The following ALDOA variants were observed in gnomAD, a reference collection of about 807,000 sequenced individuals.
ALDOA encodes the protein fructose-bisphosphate aldolase A.
ALDOA carries 26 observed loss-of-function variants against 43.9 expected under a neutral mutation model. The observed-to-expected ratio is 0.59, with a 90% CI of 0.43 to 0.82. The LOEUF (loss-of-function observed/expected upper bound fraction) is 0.82. Among genes scored for constraint, ALDOA ranks in the 40% least tolerant of loss-of-function variants. ALDOA has a pLI of 0.00. For missense variants in ALDOA, 498 were observed against 549.5 expected, an observed-to-expected ratio of 0.91 and a Z score of 0.94; for synonymous variants, 258 against 222.6, an observed-to-expected ratio of 1.16 and a Z score of -1.42.
chr16:30,067,151 C>T (rs576122083), intron 2 of ALDOA, 83 bp from the exon 3 acceptor site: 4 of 1,596,002 alleles, frequency 2.5e-6, no homozygotes, highest in South Asian at 1.1e-5. Context: ...ATTTCCCTGA[C>T]CTCCAGGAGA....
rs1410485425 is a variant in ALDOA at position 30,070,389 on chromosome 16, C to T, written c.*177C>T. The T allele has an allele frequency of 4.7e-6, 3 of 640,160 alleles. No homozygotes were observed. Among genetic ancestry groups the T allele is most frequent in the Non-Finnish European group, 8.4e-6 (3 of 357,838 alleles). 39.7% of individuals were successfully genotyped at this position (640,160 alleles called of 1,614,324 possible). A position where few individuals can be genotyped will look rare whatever the true frequency, so the allele number is the denominator to read the frequency against. On this transcript the variant is annotated 3_prime_UTR_variant, in exon 10 of 10. Transcript: ENST00000642816. Reference sequence around the variant, plus strand: ...GTCCATCACCCTTTCCGGCACACTGCCAAATAAACAGCTATTTAAGGGGGA... The same window carrying T: ...GTCCATCACCCTTTCCGGCACACTGTCAAATAAACAGCTATTTAAGGGGGA...
At chr16:30,066,580 T>C (rs978213935) in intron 1 of ALDOA, among the ~76,000 whole-genome samples, 18 of 152,202 alleles carry the variant, frequency 1.2e-4, no homozygotes, top group Admixed American at 7.2e-4. Flanking sequence ...CTTGCTCTCT[T>C]ATATTTTTCC....
intron 4 of ALDOA, chr16:30,068,062 ATTTTTTTTT>A (rs71143773): frequency 5.7e-6 from 1 of 176,508 alleles, no homozygotes; most frequent in African/African-American, 2.8e-5. Context: ...TTTTAAGTAA[ATTTTTTTTT>A]TTTTTTTTTT....
At position 30,069,355 on chromosome 16, in the gene ALDOA, A is replaced by C; in HGVS notation, c.752A>C (p.His251Pro). 1 of 1,614,168 alleles carries C rather than the reference A, an allele frequency of 6.2e-7. No individual in the cohort carries two copies. The highest frequency in any genetic ancestry group is 2.2e-5 in the East Asian group (1 of 44,878). Residue 251 changes from histidine to proline, a missense_variant, in exon 7 of 10, where the codon CAT becomes CCT. By Grantham distance (77) the His-to-Pro change is moderately conservative. Transcript: ENST00000642816. ...CCTGAGATCCTCCCTGATGGGGACC[A>C]TGACTTGAAGCGCTGCCAGTATGTG... Reference protein sequence around the residue: ...VEPEILPDGDHDLKRCQYVTE... With the variant: ...VEPEILPDGDPDLKRCQYVTE...
At chr16:30,064,528 C>G, upstream of ALDOA, 1 of 398,696 alleles carries the variant, frequency 2.5e-6, no homozygotes, top group Non-Finnish European at 4.4e-6. Context: ...GGGCTCCCTC[C>G]CCATCAATAG....
chr16:30,067,763 C>T (rs917867290), intron 4 of ALDOA, 102 bp downstream of exon 4: 19 of 1,374,536 alleles, frequency 1.4e-5, no homozygotes, highest in Non-Finnish European at 2.0e-5. Flanking sequence ...GGCCTAGAGA[C>T]TTGCATGGAG....
intron 1 of ALDOA, chr16:30,066,326 C>G (rs1002066292): frequency 6.6e-5 from 10 of 152,496 alleles, no homozygotes; most frequent in African/African-American, 2.4e-4. Flanking sequence ...GCGCCCTTCG[C>G]GAGGAGGGAA....
In ALDOA at chr16:30,069,915, C is replaced by T. The variant is rs889500566; in HGVS notation, c.1047C>T (p.Pro349=). Residue 349 remains proline, a synonymous_variant, in exon 9 of 10, where the codon CCC becomes CCT. Coordinates refer to ENST00000642816, the MANE Select transcript of ALDOA (RefSeq NM_001243177.4). ...NAINKCPLLK[P]WALTFSYGRA... Reference sequence around the variant, plus strand: ...TTAACAAGTGCCCCCTGCTGAAGCCCTGGGCCCTGACCTTCTCCTACGGCC... The same window carrying T: ...TTAACAAGTGCCCCCTGCTGAAGCCTTGGGCCCTGACCTTCTCCTACGGCC... 3 of 1,614,034 alleles carry T rather than the reference C, an allele frequency of 1.9e-6. No homozygotes were observed. The highest frequency in any genetic ancestry group is 1.3e-5 in the African/African-American group (1 of 74,938).
intron 4 of ALDOA, chr16:30,067,994 G>A (rs2072181094): frequency 2.9e-6 from 1 of 342,966 alleles, no homozygotes; most frequent in Non-Finnish European, 5.4e-6. Context: ...TTGTTACTAA[G>A]TGAACTAAGT....
chr16:30,065,903 C>CACACCCGCCCCTCTCCTGT lies in ALDOA; in HGVS notation c.-37_-19dup, dbSNP rs2072083186. 1 of 153,438 alleles carries CACACCCGCCCCTCTCCTGT rather than the reference C, an allele frequency of 6.5e-6. No individual in the cohort carries two copies. Among genetic ancestry groups the CACACCCGCCCCTCTCCTGT allele is most frequent in the Non-Finnish European group, 1.5e-5 (1 of 68,658 alleles). The allele number at this position is 153,438 out of a possible 1,614,324, so 9.5% of individuals were successfully genotyped here. A position where few individuals can be genotyped will look rare whatever the true frequency, so the allele number is the denominator to read the frequency against. On this transcript the variant is annotated 5_prime_UTR_variant, in exon 1 of 10. Coordinates refer to ENST00000642816, the MANE Select transcript of ALDOA (RefSeq NM_001243177.4). ...CGCCGCCCTCTGCCGCCGCACCCTG[C>CACACCCGCCCCTCTCCTGT]ACACCCGCCCCTCTCCTGTGCCAGG... is the stretch of plus-strand genomic sequence containing the variant.
intron 5 of ALDOA, 36 bp from the exon 6 acceptor site, chr16:30,068,782 T>TC: frequency 6.2e-7 from 1 of 1,614,142 alleles, no homozygotes; most frequent in Non-Finnish European, 8.5e-7. Flanking sequence ...CACATGCCCC[T>TC]CCCCACCGTG....
In ALDOA at chr16:30,069,959, C is replaced by T. The variant is rs746955557; in HGVS notation, c.1091C>T (p.Ala364Val). The T allele has an allele frequency of 5.0e-6, 8 of 1,613,906 alleles. No homozygotes were observed. Among genetic ancestry groups the T allele is most frequent in the Non-Finnish European group, 6.8e-6 (8 of 1,180,024 alleles). Residue 364 changes from alanine (A) to valine (V), a missense_variant, in exon 9 of 10, where the codon GCC (alanine) becomes GTC (valine). Transcript: ENST00000642816. ...FSYGRALQASALKAWGGKKEN... is the reference protein window; with the variant it reads ...FSYGRALQASVLKAWGGKKEN... ...TACGGCCGAGCCCTGCAGGCCTCTGCCCTGAAGGCCTGGGGCGGGAAGAAG... is the reference window on the plus strand; with the variant it reads ...TACGGCCGAGCCCTGCAGGCCTCTGTCCTGAAGGCCTGGGGCGGGAAGAAG...
rs532473202 is a variant in ALDOA, at chr16:30,069,870, G to A, written c.1002G>A (p.Ala334=). ...CTGGAGGCCAGAGTGAGGAGGAGGC[G>A]TCCATCAACCTCAATGCCATTAACA... ...FLSGGQSEEE[A]SINLNAINKC... Residue 334 remains alanine (A), a synonymous_variant, in exon 9 of 10, where the codon GCG becomes GCA. Transcript: ENST00000642816. The A allele has an allele frequency of 5.1e-5, 83 of 1,614,116 alleles. No individual in the cohort carries two copies. The East Asian group carries it at 6.9e-4, about 13-fold the overall frequency.
chr16:30,069,800 AGCCCCTCTC>A (rs1164310545), intron 8 of ALDOA, 21 bp from the exon 9 acceptor site: 1 of 1,613,798 alleles, frequency 6.2e-7, no homozygotes, highest in Non-Finnish European at 8.5e-7. Flanking sequence ...CTCTGACCAC[AGCCCCTCTC>A]GCCTCACCCC....
At chr16:30,067,755 C>A in intron 4 of ALDOA, 94 bp downstream of exon 4, 1 of 1,457,694 alleles carries the variant, frequency 6.9e-7, no homozygotes, top group Non-Finnish European at 9.6e-7. Flanking sequence ...GGATTGGTGG[C>A]CTAGAGACTT....
At chr16:30,066,786 C>G (rs1037493557) in intron 1 of ALDOA, 99 bp from the exon 2 acceptor site, 17 of 1,366,448 alleles carry the variant, frequency 1.2e-5, no homozygotes, top group Non-Finnish European at 1.7e-5. Flanking sequence ...AAGCACAGAC[C>G]TTTCCCATAT....
Position 30,070,322 on chromosome 16 carries a change from TC to T in ALDOA, c.*113del. 1 of 1,010,124 alleles carries T rather than the reference TC, an allele frequency of 9.9e-7. No homozygotes were observed. The highest frequency in any genetic ancestry group is 1.5e-6 in the Non-Finnish European group (1 of 647,092). 62.6% of individuals were successfully genotyped at this position (1,010,124 alleles called of 1,614,324 possible). A position where few individuals can be genotyped will look rare whatever the true frequency, so the allele number is the denominator to read the frequency against. On this transcript the variant is annotated 3_prime_UTR_variant, in exon 10 of 10. Coordinates refer to ENST00000642816, the MANE Select transcript of ALDOA (RefSeq NM_001243177.4). Reference sequence around the variant, plus strand: ...AGGCTGGCTTGCCCGCGCTCTTTCTTCCCTCGTGACAGTGGTGTGTGGTGTC... The same window carrying T: ...AGGCTGGCTTGCCCGCGCTCTTTCTTCCTCGTGACAGTGGTGTGTGGTGTC...
At position 30,068,802 on chromosome 16, in the gene ALDOA, C is replaced by G. The variant is rs78124282; in HGVS notation, c.542-16C>G. The G allele has an allele frequency of 1.9e-6, 3 of 1,614,214 alleles. No individual in the cohort carries two copies. The highest frequency in any genetic ancestry group is 2.2e-5 in the East Asian group (1 of 44,886). ...GCCCCTCCCCACCGTGCTCTGACCC[C>G]TTCCTCTTCTCTTAGGGTTGGATGG... On this transcript the variant is annotated splice_polypyrimidine_tract_variant and intron_variant, in intron 5 of 9. Coordinates refer to ENST00000642816, the MANE Select transcript of ALDOA (RefSeq NM_001243177.4).
Position 30,067,497 on chromosome 16 carries a change from G to C in ALDOA, c.322G>C (p.Glu108Gln). The C allele has an allele frequency of 6.2e-7, 1 of 1,613,712 alleles. No homozygotes were observed. The change falls in exon 4 of 10, where the codon GAG becomes CAG. Residue 108 changes from glutamate to glutamine, a missense_variant. Transcript: ENST00000642816. ...LQSIGTENTE[E>Q]NRRFYRQLLL... The stretch of plus-strand genomic sequence containing the variant: ...GTCCATTGGCACCGAGAACACCGAG[G>C]AGAACCGGCGCTTCTACCGCCAGCT...
Sources: allele counts gnomAD v4.1 joint callset (sites outside exome capture counted in the v4.1 genomes callset), GRCh38; gene constraint gnomAD v4.1.1; transcripts MANE v1.5; gene names NCBI Gene and HGNC (gene_info 2026-07-23, HGNC 2026-07-21).